The following SLCO3A1 variants were observed in gnomAD, a reference collection of about 807,000 sequenced individuals.
The protein encoded by SLCO3A1 is solute carrier organic anion transporter family member 3A1, also known as PGE1 transporter.
A neutral mutation model predicts 63.1 loss-of-function variants in SLCO3A1; 27 were observed. The ratio of observed to expected loss-of-function variants is 0.43; its 90% CI spans 0.32 to 0.59. The LOEUF (loss-of-function observed/expected upper bound fraction) is 0.59, where lower values mean the gene tolerates loss of function less well. Among genes scored for constraint, SLCO3A1 ranks in the 20% least tolerant of loss-of-function variants. The pLI is 0.09. For synonymous variants in SLCO3A1, 473 were observed against 409.9 expected, an observed-to-expected ratio of 1.15 and a Z score of -1.86; for missense variants, 773 against 945.8, an observed-to-expected ratio of 0.82 and a Z score of 2.40.
chr15:92,014,606 CCA>C (rs1475595800), intron 2 of SLCO3A1, among the ~76,000 whole-genome samples: 1 of 152,102 alleles, frequency 6.6e-6, no homozygotes, highest in African/African-American at 2.4e-5. Context: ...CACAAAACAC[CCA>C]CCTCTTCCTC....
rs1477888324 is a variant in SLCO3A1 at position 92,165,175 on chromosome 15, T to TG, written c.*2044dup. On this transcript the variant is annotated 3_prime_UTR_variant, in exon 10 of 10. Transcript: ENST00000318445. ...CCAAAAGAAAAGCTGTGTCGTGGTA[T>TG]GGGGCCACCGTGATCAGCTACCTGG... 1.0e-6 allele frequency: 1 copy of TG among 985,318 alleles called. No individual in the cohort carries two copies. The highest frequency in any genetic ancestry group is 1.7e-5 in the African/African-American group (1 of 57,234). 61.0% of individuals were successfully genotyped at this position (985,318 alleles called of 1,614,324 possible).
chr15:92,116,635 A>C (rs2047798703), intron 4 of SLCO3A1, among the ~76,000 whole-genome samples: 1 of 152,216 alleles, frequency 6.6e-6, no homozygotes, highest in Non-Finnish European at 1.5e-5. Flanking sequence ...CCTCCTTAAA[A>C]AGTCAGAATT....
Position 92,077,081 on chromosome 15 carries a change from G to T in SLCO3A1, c.647-17800G>T, listed in dbSNP as rs555961055. 7.2e-5 allele frequency among the ~76,000 whole-genome samples: 11 copies of T among 152,240 alleles called. 1 individual carries two copies. In the South Asian group the frequency reaches 2.3e-3, roughly 32 times the overall value. ...AGAGAGAAGTGCTGAACAAAATGGA[G>T]AAAAGCCCCGTATAAACCCATCAGA... On this transcript the variant is annotated intron_variant, in intron 2 of 9. Transcript: ENST00000318445.
At chr15:92,072,211 T>G (rs2047224790) in intron 2 of SLCO3A1, among the ~76,000 whole-genome samples, 1 of 151,994 alleles carries the variant, frequency 6.6e-6, no homozygotes, top group Admixed American at 6.5e-5. Flanking sequence ...GGTTTTTTTT[T>G]TTTTTCCTCA....
intron 8 of SLCO3A1, among the ~76,000 whole-genome samples, chr15:92,147,822 A>T (rs539725030): frequency 6.6e-6 from 1 of 152,292 alleles, no homozygotes; most frequent in African/African-American, 2.4e-5. Flanking sequence ...ATTCTGAGTA[A>T]CTTTTATCAT....
chr15:91,856,515 C>A lies in SLCO3A1; in HGVS notation c.180+2427C>A, dbSNP rs993275624. The stretch of plus-strand genomic sequence containing the variant: ...GGAGATGGGGAAAAAAAGTTTGCTC[C>A]TTCAGCCATGCGAGACTTCTCTGTG... On this transcript the variant is annotated intron_variant, in intron 1 of 9. Coordinates refer to ENST00000318445, the MANE Select transcript of SLCO3A1 (RefSeq NM_013272.4). This position sits in a 1 kb window ranked among gnomAD's most constrained non-coding sequence, Gnocchi z 4.9. Among the ~76,000 whole-genome samples the A allele has an allele frequency of 2.0e-5, 3 of 152,172 alleles. No individual in the cohort carries two copies. The highest frequency in any genetic ancestry group is 7.2e-5 in the African/African-American group (3 of 41,440).
chr15:91,914,578 T>TC (rs1898591906), intron 1 of SLCO3A1, among the ~76,000 whole-genome samples: 1 of 150,066 alleles, frequency 6.7e-6, no homozygotes, highest in East Asian at 2.0e-4. Context: ...TTTTTTTTTT[T>TC]TTTTTTTTGG....
At chr15:92,017,230 A>G (rs2046448189) in intron 2 of SLCO3A1, among the ~76,000 whole-genome samples, 1 of 151,094 alleles carries the variant, frequency 6.6e-6, no homozygotes, top group East Asian at 1.9e-4. Context: ...TGATCCCTCA[A>G]AGGTGCGGAT....
intron 1 of SLCO3A1, among the ~76,000 whole-genome samples, chr15:91,869,647 C>T (rs1376395665): frequency 1.3e-5 from 2 of 151,930 alleles, no homozygotes; most frequent in Non-Finnish European, 2.9e-5. Context: ...TGCAGTGAGC[C>T]GTAATAGTGC....
intron 2 of SLCO3A1, among the ~76,000 whole-genome samples, chr15:91,987,742 T>TA (rs35508138): frequency 0.11 from 15,217 of 138,394 alleles, 2,090 homozygotes; most frequent in African/African-American, 0.33. Flanking sequence ...AGACTTTGTC[T>TA]AAAAAAAAAA....
At chr15:92,067,109 G>A (rs911052100) in intron 2 of SLCO3A1, among the ~76,000 whole-genome samples, 3 of 152,192 alleles carry the variant, frequency 2.0e-5, no homozygotes, top group Middle Eastern at 3.2e-3. Context: ...CTCACTGATG[G>A]CAACCAGGAG....
intron 2 of SLCO3A1, among the ~76,000 whole-genome samples, chr15:91,929,975 G>A (rs1364634365): frequency 3.3e-5 from 5 of 151,984 alleles, no homozygotes; most frequent in African/African-American, 1.2e-4. Flanking sequence ...CCACCTCTTG[G>A]CTATTGTGAA....
chr15:92,065,608 G>A (rs2047141362), intron 2 of SLCO3A1, among the ~76,000 whole-genome samples: 1 of 152,146 alleles, frequency 6.6e-6, no homozygotes, highest in African/African-American at 2.4e-5. Context: ...ATAACTGTAT[G>A]GCCGCCTTTC....
rs1458963461 is a variant in SLCO3A1, at chr15:91,900,086, G to A, written c.181-15907G>A. On this transcript the variant is annotated intron_variant, in intron 1 of 9. Coordinates refer to ENST00000318445, the MANE Select transcript of SLCO3A1 (RefSeq NM_013272.4). This position sits in a 1 kb window ranked among gnomAD's most constrained non-coding sequence, Gnocchi z 4.3. ...CATGGATGTTTGAGTTGTTCCCAAT[G>A]TGATGTTATTATGAATAATTCTATT... 6.6e-6 allele frequency among the ~76,000 whole-genome samples: 1 copy of A among 152,156 alleles called. No individual in the cohort carries two copies. The highest frequency in any genetic ancestry group is 2.4e-5 in the African/African-American group (1 of 41,438).
At position 92,104,168 on chromosome 15, in the gene SLCO3A1, A is replaced by T. The variant is rs191131401; in HGVS notation, c.746-111A>T. 1,994 of 1,272,784 alleles carry T rather than the reference A, an allele frequency of 1.6e-3. 5 individuals carry two copies. The highest frequency in any genetic ancestry group is 5.5e-3 in the Admixed American group (267 of 48,116). 78.8% of individuals were successfully genotyped at this position (1,272,784 alleles called of 1,614,324 possible). ...CTGGCAGCCAGTGTTCCCGACCGCAAGTCATTTCTAGAGCCCTTGCCCTCT... is the reference window on the plus strand; with the variant it reads ...CTGGCAGCCAGTGTTCCCGACCGCATGTCATTTCTAGAGCCCTTGCCCTCT... On this transcript the variant is annotated intron_variant, in intron 3 of 9. Coordinates refer to ENST00000318445, the MANE Select transcript of SLCO3A1 (RefSeq NM_013272.4).
At chr15:92,073,510 G>T (rs1394175542) in intron 2 of SLCO3A1, among the ~76,000 whole-genome samples, 3 of 152,154 alleles carry the variant, frequency 2.0e-5, no homozygotes. Flanking sequence ...CATTCTTCAA[G>T]CCTATTCAAT....
chr15:91,944,976 A>T (rs1229622776), intron 2 of SLCO3A1, among the ~76,000 whole-genome samples: 4 of 152,184 alleles, frequency 2.6e-5, no homozygotes, highest in African/African-American at 9.7e-5. Flanking sequence ...CTCAGGCCCT[A>T]ATTGAATTGT....
chr15:92,023,830 A>G (rs1187184125), intron 2 of SLCO3A1, among the ~76,000 whole-genome samples: 1 of 152,240 alleles, frequency 6.6e-6, no homozygotes, highest in Non-Finnish European at 1.5e-5. Flanking sequence ...ACCCTCCTAC[A>G]GAAACTCATT....
intron 2 of SLCO3A1, among the ~76,000 whole-genome samples, chr15:92,012,176 A>G (rs2046376625): frequency 6.6e-6 from 1 of 152,214 alleles, no homozygotes; most frequent in African/African-American, 2.4e-5. Context: ...GCATGAGTGC[A>G]TCTTCTGCTG....
Sources: gnomAD v4.1 joint callset for allele counts (sites outside exome capture counted in the v4.1 genomes callset) on GRCh38, gnomAD v4.1.1 for gene constraint, Gnocchi (gnomAD v3.1) non-coding constraint, MANE v1.5 for transcripts, NCBI Gene and HGNC (gene_info 2026-07-23, HGNC 2026-07-21) for gene names.